KNTC1: variants seen among roughly 807,000 people sequenced by gnomAD.
KNTC1 encodes the protein kinetochore-associated protein 1.
KNTC1 carries 253 observed loss-of-function variants against 314.4 expected under a neutral mutation model. The observed-to-expected ratio is 0.80, with a 90% CI of 0.73 to 0.89. The LOEUF (loss-of-function observed/expected upper bound fraction) is 0.89. KNTC1 is among the 40% of genes least tolerant of loss of function. The pLI, the probability that KNTC1 is intolerant of heterozygous loss-of-function variation, is 0.00. For missense variants in KNTC1, 2,475 were observed against 2,572.9 expected (o/e 0.96, Z 0.82); for synonymous variants, 901 against 901.4 (o/e 1.00, Z 0.01).
At position 122,586,665 on chromosome 12, in the gene KNTC1, A is replaced by G. The variant is rs569117479; in HGVS notation, c.3674-36A>G. The G allele has an allele frequency of 1.8e-5, 21 of 1,153,578 alleles. 1 individual carries two copies. The South Asian group carries it at 2.7e-4, about 15-fold the overall frequency. The allele number at this position is 1,153,578 out of a possible 1,614,324, so 71.5% of individuals were successfully genotyped here. ...GTCTGGGCTTTTAGTGTGGCCATCT[A>G]TTTAGTGTTGTTTAATGTTTTATTA... On this transcript the variant is annotated intron_variant, in intron 37 of 63. Transcript: ENST00000333479.
At chr12:122,619,897 G>C (rs530671797) in intron 59 of KNTC1, 1 of 151,954 alleles carries the variant, frequency 6.6e-6, no homozygotes, top group East Asian at 1.9e-4. Flanking sequence ...GGCTGGGTGC[G>C]GCGACTCACA....
chr12:122,563,609 T>G (rs532413203), intron 20 of KNTC1: 2 of 412,274 alleles, frequency 4.9e-6, no homozygotes, highest in Non-Finnish European at 7.7e-6. Flanking sequence ...CCCAGGAATT[T>G]TTTCACTGCG....
chr12:122,589,116 A>G (rs1276873573), intron 40 of KNTC1, among the ~76,000 whole-genome samples: 1 of 151,940 alleles, frequency 6.6e-6, no homozygotes, highest in Non-Finnish European at 1.5e-5. Context: ...GCTGGAGTGC[A>G]GTAGTATGAT....
At chr12:122,560,485 G>A (rs939754615) in intron 18 of KNTC1, among the ~76,000 whole-genome samples, 10 of 151,972 alleles carry the variant, frequency 6.6e-5, no homozygotes, top group African/African-American at 2.2e-4. Context: ...TGATTCTCTC[G>A]CCTCAGCCTC....
At chr12:122,584,153 A>T in intron 34 of KNTC1, 125 bp from the exon 35 acceptor site, 1 of 739,902 alleles carries the variant, frequency 1.4e-6, no homozygotes, top group African/African-American at 1.8e-5. Flanking sequence ...TACACTATAT[A>T]CCATGAGAAC....
chr12:122,555,806 G>C (rs938676115), intron 16 of KNTC1, among the ~76,000 whole-genome samples: 13 of 148,390 alleles, frequency 8.8e-5, no homozygotes, highest in Non-Finnish European at 1.9e-4. Flanking sequence ...CCGAGATCCT[G>C]CTACTGCACT....
At chr12:122,543,790 C>T (rs544116289) in intron 7 of KNTC1, among the ~76,000 whole-genome samples, 156 bp downstream of exon 7, 3 of 152,098 alleles carry the variant, frequency 2.0e-5, no homozygotes, top group South Asian at 4.2e-4. Context: ...TACATTTATG[C>T]CCGTAATCCC....
intron 20 of KNTC1, among the ~76,000 whole-genome samples, chr12:122,565,488 AT>A (rs1326993318): frequency 6.7e-6 from 1 of 149,042 alleles, no homozygotes; most frequent in Non-Finnish European, 1.5e-5. Context: ...CTAATTTGGC[AT>A]TTTTTTAATT....
In KNTC1 at chr12:122,609,998, TA is replaced by T. The variant is rs764593662; in HGVS notation, c.5543+569del. 1.6e-3 allele frequency among the ~76,000 whole-genome samples: 251 copies of T among 152,326 alleles called. 7 individuals are homozygous for T. The highest frequency in any genetic ancestry group is 0.014 in the Middle Eastern group (4 of 294). On this transcript the variant is annotated intron_variant, in intron 52 of 63. Coordinates refer to ENST00000333479, the MANE Select transcript of KNTC1 (RefSeq NM_014708.6). ...CATGCCAGCCAGCTTTTTGTCTTTC[TA>T]GCCTAAACCAAAAGTAAGCCAAGTG...
Position 122,570,885 on chromosome 12 carries a change from GC to G in KNTC1, c.1871del (p.Ala624GlufsTer13), listed in dbSNP as rs1222927267. ...AAATAATCTATTTCAGATAATTCTT[GC>G]AAAATGGTTGGAACAAGCAGCCAGG... ...RTVPEGQIIL[A>X]KWLEQAARNL... On this transcript the variant is annotated frameshift_variant, in exon 23 of 64. Transcript: ENST00000333479. LOFTEE classifies it high-confidence loss of function. 6.5e-7 allele frequency: 1 copy of G among 1,543,384 alleles called. No homozygotes were observed. Among genetic ancestry groups the G allele is most frequent in the African/African-American group, 1.4e-5 (1 of 72,998 alleles).
chr12:122,570,952 CA>C lies in KNTC1; in HGVS notation c.1917+21del, dbSNP rs767743089. The C allele has an allele frequency of 4.6e-5, 73 of 1,587,994 alleles. No individual in the cohort carries two copies. In the African/African-American group the frequency reaches 6.6e-4, roughly 14 times the overall value. On this transcript the variant is annotated intron_variant, in intron 23 of 63. Coordinates refer to ENST00000333479, the MANE Select transcript of KNTC1 (RefSeq NM_014708.6). The stretch of plus-strand genomic sequence containing the variant: ...GATAAGGTAATACTGATTTAATTAA[CA>C]GTAAAAAGACATTTTGCACACTCCC...
Position 122,540,536 on chromosome 12 carries a change from T to A in KNTC1, c.445+782T>A, listed in dbSNP as rs937260911. Among the ~76,000 whole-genome samples, 22 of 152,246 alleles carry A rather than the reference T, an allele frequency of 1.4e-4. 1 individual carries two copies. The highest frequency in any genetic ancestry group is 1.2e-3 in the South Asian group (6 of 4,828). On this transcript the variant is annotated intron_variant, in intron 5 of 63. Transcript: ENST00000333479. ...ACAATTTTTAAATTTTTGAAAAAAA[T>A]TTTTAAAGCTCTTTTTAGATGTTTA...
At chr12:122,587,937 G>A in intron 39 of KNTC1, 63 bp downstream of exon 39, 1 of 1,351,178 alleles carries the variant, frequency 7.4e-7, no homozygotes, top group Non-Finnish European at 1.0e-6. Flanking sequence ...CGCTAACAGA[G>A]GAATTTGGAG....
At chr12:122,587,970 G>T (rs1161556505) in intron 39 of KNTC1, 96 bp downstream of exon 39, 1 of 1,027,980 alleles carries the variant, frequency 9.7e-7, no homozygotes, top group African/African-American at 1.6e-5. Context: ...TATTGTCTTT[G>T]TAGCAAGGAA....
intron 8 of KNTC1, among the ~76,000 whole-genome samples, chr12:122,545,482 C>T (rs190471984): frequency 2.0e-5 from 3 of 152,250 alleles, no homozygotes; most frequent in Admixed American, 6.5e-5. Flanking sequence ...TCTAATTTAA[C>T]ATTTCACCAG....
At position 122,584,297 on chromosome 12, in the gene KNTC1, T is replaced by G; in HGVS notation, c.3283T>G (p.Cys1095Gly). ...KKCSDLFKYH[C>G]NADTGKLLFL... Reference sequence around the variant, plus strand: ...CCAAAGCGACTTGTTTAAGTATCACTGCAATGCTGACACTGGGAAATTGCT... The same window carrying G: ...CCAAAGCGACTTGTTTAAGTATCACGGCAATGCTGACACTGGGAAATTGCT... The change falls in exon 35 of 64, where the codon TGC becomes GGC. Residue 1095 changes from cysteine (C) to glycine (G), a missense_variant. Physicochemically the swap from Cys to Gly is radical, Grantham distance 159 (BLOSUM62 -3). Coordinates refer to ENST00000333479, the MANE Select transcript of KNTC1 (RefSeq NM_014708.6). The G allele has an allele frequency of 6.2e-7, 1 of 1,612,846 alleles. No individual in the cohort carries two copies. Among genetic ancestry groups the G allele is most frequent in the Non-Finnish European group, 8.5e-7 (1 of 1,179,242 alleles).
intron 37 of KNTC1, 84 bp from the exon 38 acceptor site, chr12:122,586,617 T>G: frequency 2.4e-6 from 1 of 419,186 alleles, no homozygotes. Flanking sequence ...TTTTGTTACA[T>G]GGATATATTG....
At chr12:122,575,496 T>C (rs375449646) in intron 27 of KNTC1, 47 bp from the exon 28 acceptor site, 1 of 1,302,176 alleles carries the variant, frequency 7.7e-7, no homozygotes, top group African/African-American at 1.5e-5. Context: ...CTTGCATGCA[T>C]CGTAAACCTG....
intron 3 of KNTC1, among the ~76,000 whole-genome samples, chr12:122,536,977 G>C (rs1961887962): frequency 6.6e-6 from 1 of 152,214 alleles, no homozygotes. Context: ...TATTGACCCT[G>C]ATTGGTCCAC....
Sources: allele counts gnomAD v4.1 joint callset (sites outside exome capture counted in the v4.1 genomes callset), GRCh38; gene constraint gnomAD v4.1.1; transcripts MANE v1.5; gene names NCBI Gene and HGNC (gene_info 2026-07-23, HGNC 2026-07-21).